MEGF10: variants seen among roughly 807,000 people sequenced by gnomAD.
The protein encoded by MEGF10 is multiple EGF like domains 10.
A neutral mutation model predicts 147.5 loss-of-function variants in MEGF10; 86 were observed. The ratio of observed to expected loss-of-function variants is 0.58; its 90% CI spans 0.49 to 0.70. MEGF10 has a LOEUF of 0.70. MEGF10 is among the 30% of genes least tolerant of loss of function. MEGF10 has a pLI of 0.00. For missense variants in MEGF10, 1,329 were observed against 1,487.3 expected (o/e 0.89, Z 1.75); for synonymous variants, 478 against 525.5 (o/e 0.91, Z 1.24).
At chr5:127,296,471 T>C (rs192779267) in intron 1 of MEGF10, among the ~76,000 whole-genome samples, 2 of 152,296 alleles carry the variant, frequency 1.3e-5, no homozygotes, top group Admixed American at 1.3e-4. Flanking sequence ...AGTATTTCAG[T>C]ATGGAAAACC....
Position 127,396,626 on chromosome 5 carries a change from T to A in MEGF10, c.507T>A (p.Cys169Ter). 1 of 1,613,980 alleles carries A rather than the reference T, an allele frequency of 6.2e-7. No homozygotes were observed. The highest frequency in any genetic ancestry group is 8.5e-7 in the Non-Finnish European group (1 of 1,179,974). The part of the protein sequence containing the change: ...LCNPITGACH[C>*]AAGFRGWRCE... ...ACCCCATCACCGGGGCTTGCCACTG[T>A]GCTGCGGGCTTCCGGGGCTGGCGCT... Residue 169 changes from cysteine (C) to a stop codon, truncating the protein, a stop_gained, in exon 6 of 25, where the codon TGT becomes TGA. Coordinates refer to ENST00000503335, the MANE Select transcript of MEGF10 (RefSeq NM_001256545.2). LOFTEE classifies it high-confidence loss of function.
chr5:127,435,490 G>GTT lies in MEGF10; in HGVS notation c.2104+2_2104+3insTT. 3.7e-6 allele frequency: 6 copies of GTT among 1,611,900 alleles called. No individual in the cohort carries two copies. Among genetic ancestry groups the GTT allele is most frequent in the Non-Finnish European group, 5.1e-6 (6 of 1,179,150 alleles). Reference sequence around the variant, plus strand: ...TGGATTGGCAGTGACTGCTCTCAACGTAAGTCTTGTTTGAGAACAATTAAT... The same window carrying GTT: ...TGGATTGGCAGTGACTGCTCTCAACGTTTAAGTCTTGTTTGAGAACAATTAAT... On this transcript the variant is annotated splice_donor_variant, in intron 16 of 24. Transcript: ENST00000503335. LOFTEE classifies it high-confidence loss of function.
chr5:127,235,879 A>G, the MEGF10 span, among the ~76,000 whole-genome samples: 1 of 152,250 alleles, frequency 6.6e-6, no homozygotes, highest in African/African-American at 2.4e-5. Flanking sequence ...AAATAACAAT[A>G]TACTAACAAT....
At chr5:127,289,070 G>A (rs775785803), upstream of MEGF10, among the ~76,000 whole-genome samples, 4 of 152,078 alleles carry the variant, frequency 2.6e-5, no homozygotes, top group Non-Finnish European at 5.9e-5. Context: ...AATATGAGGT[G>A]GGATAGAAGT....
At chr5:127,395,567 C>T (rs13171067) in intron 5 of MEGF10, among the ~76,000 whole-genome samples, 56,536 of 107,928 alleles carry the variant, frequency 0.52, 15,702 homozygotes, top group Middle Eastern at 0.75. Context: ...TTTTTTGAGA[C>T]GGAGTCTTGC....
intron 2 of MEGF10, among the ~76,000 whole-genome samples, chr5:127,335,759 A>G (rs926112241): frequency 6.6e-6 from 1 of 152,048 alleles, no homozygotes; most frequent in East Asian, 1.9e-4. Context: ...CTCAACCAAA[A>G]ACTAAAACCT....
intron 8 of MEGF10, among the ~76,000 whole-genome samples, chr5:127,407,504 T>G (rs1409605515): frequency 1.3e-5 from 2 of 152,224 alleles, no homozygotes; most frequent in African/African-American, 4.8e-5. Flanking sequence ...TACTTAATGC[T>G]TATCCATTCT....
intron 4 of MEGF10, among the ~76,000 whole-genome samples, chr5:127,357,562 T>G (rs1415777208): frequency 6.8e-6 from 1 of 147,904 alleles, no homozygotes; most frequent in Non-Finnish European, 1.5e-5. Context: ...CACTCCAGGA[T>G]AGGTGACAGA....
At chr5:127,345,249 C>T (rs113619999) in intron 4 of MEGF10, among the ~76,000 whole-genome samples, 75 of 152,266 alleles carry the variant, frequency 4.9e-4, no homozygotes, top group South Asian at 1.9e-3. Flanking sequence ...GCTCTGCTTC[C>T]GACTGGAATG....
At chr5:127,354,122 G>A (rs548806274) in intron 4 of MEGF10, among the ~76,000 whole-genome samples, 144 of 152,294 alleles carry the variant, frequency 9.5e-4, no homozygotes, top group African/African-American at 3.4e-3. Context: ...CCGGCTGTGG[G>A]CAGATAAGGA....
intron 1 of MEGF10, among the ~76,000 whole-genome samples, chr5:127,322,247 C>T (rs531821604): frequency 6.6e-6 from 1 of 152,170 alleles, no homozygotes; most frequent in African/African-American, 2.4e-5. Context: ...TTGAGTAAAT[C>T]TCAAGCCATA....
chr5:127,295,336 TCTC>T (rs2126701920), intron 1 of MEGF10, among the ~76,000 whole-genome samples: 1 of 152,358 alleles, frequency 6.6e-6, no homozygotes, highest in Admixed American at 6.5e-5. Flanking sequence ...TTGGTTATTT[TCTC>T]CTCATTTCAA....
rs555371226 is a variant in MEGF10, at chr5:127,419,969, C to T, written c.1427-75C>T. 5.9e-6 allele frequency: 9 copies of T among 1,524,208 alleles called. No homozygotes were observed. The South Asian group carries it at 6.3e-5, about 11-fold the overall frequency. 94.4% of individuals were successfully genotyped at this position (1,524,208 alleles called of 1,614,324 possible). A position where few individuals can be genotyped will look rare whatever the true frequency, so the allele number is the denominator to read the frequency against. On this transcript the variant is annotated intron_variant, in intron 11 of 24. Coordinates refer to ENST00000503335, the MANE Select transcript of MEGF10 (RefSeq NM_001256545.2). ...TCTCCAAGGCGTTTCTAAAGAGAAA[C>T]GTGGTTTGGAAAGGCTCAACAAGGC...
intron 1 of MEGF10, among the ~76,000 whole-genome samples, chr5:127,308,727 G>C (rs1219507735): frequency 6.6e-6 from 1 of 151,740 alleles, no homozygotes; most frequent in Non-Finnish European, 1.5e-5. Flanking sequence ...GTGGGGGGAA[G>C]GGGGAGGGAT....
At chr5:127,247,321 A>C in the MEGF10 span, among the ~76,000 whole-genome samples, 1 of 4,038 alleles carries the variant, frequency 2.5e-4, no homozygotes, top group East Asian at 3.8e-3. Flanking sequence ...AAAGAGAGAG[A>C]AGAAGAAGAA....
intron 15 of MEGF10, among the ~76,000 whole-genome samples, chr5:127,435,156 CT>C (rs1194909300): frequency 1.3e-5 from 2 of 152,160 alleles, no homozygotes; most frequent in East Asian, 3.8e-4. Context: ...ATGATGTCCC[CT>C]GGTTTGTGAT....
At position 127,364,108 on chromosome 5, in the gene MEGF10, T is replaced by C. The variant is rs79911558; in HGVS notation, c.320-5802T>C. 5.6e-3 allele frequency among the ~76,000 whole-genome samples: 854 copies of C among 152,352 alleles called. 5 individuals are homozygous for C. Among genetic ancestry groups the C allele is most frequent in the Non-Finnish European group, 8.2e-3 (557 of 68,026 alleles). On this transcript the variant is annotated intron_variant, in intron 4 of 24. Transcript: ENST00000503335. Reference sequence around the variant, plus strand: ...TTCCACAGTCCCCACAGTATTGTTATAACAGTTTTGTTGAGATGTAATTCA... The same window carrying C: ...TTCCACAGTCCCCACAGTATTGTTACAACAGTTTTGTTGAGATGTAATTCA...
chr5:127,320,556 T>C (rs1760748728), intron 1 of MEGF10, among the ~76,000 whole-genome samples: 1 of 152,184 alleles, frequency 6.6e-6, no homozygotes, highest in Non-Finnish European at 1.5e-5. Flanking sequence ...AGATGGGATT[T>C]GGGTTGTGGC....
chr5:127,454,796 T>C (rs1014655801), intron 23 of MEGF10, among the ~76,000 whole-genome samples, 186 bp downstream of exon 23: 1 of 152,196 alleles, frequency 6.6e-6, no homozygotes, highest in African/African-American at 2.4e-5. Context: ...GAGGTGGTCC[T>C]TGGTAGAGCT....
Sources: allele counts gnomAD v4.1 joint callset (sites outside exome capture counted in the v4.1 genomes callset), GRCh38; gene constraint gnomAD v4.1.1; transcripts MANE v1.5; gene names NCBI Gene and HGNC (gene_info 2026-07-23, HGNC 2026-07-21).